HS3ST2: variants seen among roughly 807,000 people sequenced by gnomAD.
The protein encoded by HS3ST2 is heparan sulfate-glucosamine 3-sulfotransferase 2.
HS3ST2 carries 17 observed loss-of-function variants against 26.3 expected under a neutral mutation model. The observed-to-expected ratio is 0.65, with a 90% confidence interval of 0.44 to 0.97. HS3ST2 has a LOEUF of 0.97. Among genes scored for constraint, HS3ST2 ranks in the 50% least tolerant of loss-of-function variants. HS3ST2 has a pLI of 0.00. For synonymous variants in HS3ST2, 237 were observed against 219.2 expected, an observed-to-expected ratio of 1.08 and a Z score of -0.72; for missense variants, 402 against 501.2, an observed-to-expected ratio of 0.80 and a Z score of 1.89.
At chr16:22,876,308 G>GA (rs1050564545) in intron 1 of HS3ST2, among the ~76,000 whole-genome samples, 9 of 150,990 alleles carry the variant, frequency 6.0e-5, no homozygotes, top group East Asian at 3.9e-4. Flanking sequence ...GACAATTCTC[G>GA]AAAAAAAAGA....
rs139954183 is a variant in HS3ST2, at chr16:22,817,290, C to G, written c.485+2195C>G. Reference sequence around the variant, plus strand: ...ATCCTAGAGGTCTGGTCGTAATTGCCCTCTCCCCATTGCTTGACCAGGAAG... The same window carrying G: ...ATCCTAGAGGTCTGGTCGTAATTGCGCTCTCCCCATTGCTTGACCAGGAAG... On this transcript the variant is annotated intron_variant, in intron 1 of 1. Transcript: ENST00000261374. 3.1e-4 allele frequency among the ~76,000 whole-genome samples: 47 copies of G among 152,100 alleles called. No homozygotes were observed. The East Asian group carries it at 8.6e-3, about 28-fold the overall frequency.
At chr16:22,843,156 A>ATGTGTG (rs398038424) in intron 1 of HS3ST2, among the ~76,000 whole-genome samples, 6 of 150,126 alleles carry the variant, frequency 4.0e-5, no homozygotes, top group South Asian at 2.1e-4. Flanking sequence ...AGATGTATGT[A>ATGTGTG]TGTGTGTGTG....
rs140847412 is a variant in HS3ST2, at chr16:22,832,181, G to C, written c.485+17086G>C. ...TTTTTTTTTTTTTTAATTTTTAGTG[G>C]AGATAGGGTCTTTCTGTGTTGCCCA... On this transcript the variant is annotated intron_variant, in intron 1 of 1. Transcript: ENST00000261374. 1.5e-4 allele frequency among the ~76,000 whole-genome samples: 19 copies of C among 127,162 alleles called. No individual in the cohort carries two copies. In the East Asian group the frequency reaches 4.4e-3, roughly 30 times the overall value. 83.4% of individuals were successfully genotyped at this position (127,162 alleles called of 152,430 possible). A position where few individuals can be genotyped will look rare whatever the true frequency, so the allele number is the denominator to read the frequency against.
chr16:22,826,027 A>G (rs1026661051), intron 1 of HS3ST2, among the ~76,000 whole-genome samples: 10 of 150,250 alleles, frequency 6.7e-5, no homozygotes, highest in African/African-American at 2.5e-4. Flanking sequence ...CCATCTCAGG[A>G]AAAAAAAATG....
At chr16:22,847,909 A>G (rs887549535) in intron 1 of HS3ST2, among the ~76,000 whole-genome samples, 1 of 151,770 alleles carries the variant, frequency 6.6e-6, no homozygotes, top group African/African-American at 2.4e-5. Flanking sequence ...AGACAAAGCA[A>G]GAAGGAAGGA....
In HS3ST2 at chr16:22,914,763, A is replaced by AAAAAAAAAAAAAAAAAAG. The variant is rs1489223344; in HGVS notation, c.486-180_486-179insAAAAAAAAAAAAAAAAGA. ...AAAAAAAAAAAAAAAAAAAAAAAAA[A>AAAAAAAAAAAAAAAAAAG]AGAGAAGAAAAGAAAATCAACAAGA... On this transcript the variant is annotated intron_variant, in intron 1 of 1. Transcript: ENST00000261374. Among the ~76,000 whole-genome samples, 23 of 118,778 alleles carry AAAAAAAAAAAAAAAAAAG rather than the reference A, an allele frequency of 1.9e-4. 6 individuals are homozygous for AAAAAAAAAAAAAAAAAAG. The highest frequency in any genetic ancestry group is 7.9e-4 in the African/African-American group (21 of 26,702). The allele number at this position is 118,778 out of a possible 152,430, so 77.9% of individuals were successfully genotyped here.
chr16:22,834,946 T>G (rs1901231776), intron 1 of HS3ST2, among the ~76,000 whole-genome samples: 1 of 140,708 alleles, frequency 7.1e-6, no homozygotes, highest in Non-Finnish European at 1.5e-5. Flanking sequence ...TTTTCCCTGT[T>G]GGAGATATTT....
chr16:22,853,115 G>T (rs1901540365), intron 1 of HS3ST2, among the ~76,000 whole-genome samples: 1 of 152,064 alleles, frequency 6.6e-6, no homozygotes, highest in South Asian at 2.1e-4. Context: ...TTTTACATCT[G>T]CACACACCTG....
rs139609781 is a variant in HS3ST2 at position 22,915,535 on chromosome 16, C to T, written c.1077C>T (p.Thr359=). The T allele has an allele frequency of 1.8e-5, 29 of 1,613,274 alleles. No homozygotes were observed. The East Asian group carries it at 5.8e-4, about 32-fold the overall frequency. The part of the protein sequence containing the change: ...YRPYNIKFYE[T]VGQDFRWE ...CGTATAATATCAAATTTTATGAAAC[C>T]GTTGGGCAGGACTTCAGGTGGGAAT... Residue 359 remains threonine, a synonymous_variant, in exon 2 of 2, where the codon ACC becomes ACT. Transcript: ENST00000261374.
chr16:22,915,811 T>C lies in HS3ST2; in HGVS notation c.*249T>C. Reference sequence around the variant, plus strand: ...GCACGTCCAGTAAATTCCAGAATCATTCTCCTTTCTGCCCATAAAGGGCCT... The same window carrying C: ...GCACGTCCAGTAAATTCCAGAATCACTCTCCTTTCTGCCCATAAAGGGCCT... On this transcript the variant is annotated 3_prime_UTR_variant, in exon 2 of 2. Coordinates refer to ENST00000261374, the MANE Select transcript of HS3ST2 (RefSeq NM_006043.2). The C allele has an allele frequency of 1.9e-6, 1 of 517,038 alleles. No individual in the cohort carries two copies. The highest frequency in any genetic ancestry group is 2.8e-5 in the South Asian group (1 of 35,348). The allele number at this position is 517,038 out of a possible 1,614,324, so 32.0% of individuals were successfully genotyped here.
chr16:22,862,422 T>G (rs1901692070), intron 1 of HS3ST2, among the ~76,000 whole-genome samples: 1 of 152,202 alleles, frequency 6.6e-6, no homozygotes, highest in African/African-American at 2.4e-5. Flanking sequence ...GCACCTGTTA[T>G]ACTTGCAATC....
intron 1 of HS3ST2, among the ~76,000 whole-genome samples, chr16:22,895,117 T>C: frequency 6.6e-6 from 1 of 151,290 alleles, no homozygotes; most frequent in African/African-American, 2.4e-5. Context: ...TTTGAGACAG[T>C]TTCGCTCTGT....
chr16:22,817,461 A>G (rs1192047431), intron 1 of HS3ST2, among the ~76,000 whole-genome samples: 3 of 152,118 alleles, frequency 2.0e-5, no homozygotes, highest in African/African-American at 4.8e-5. Flanking sequence ...TGTTTCCATA[A>G]CCTCCAGAAC....
At chr16:22,895,070 C>CTTTTTTTT (rs55861016) in intron 1 of HS3ST2, among the ~76,000 whole-genome samples, 3 of 134,722 alleles carry the variant, frequency 2.2e-5, no homozygotes, top group Non-Finnish European at 3.2e-5. Context: ...TTCTTTCTTT[C>CTTTTTTTT]TTTTTTTTTT....
At chr16:22,835,494 G>A (rs932150276) in intron 1 of HS3ST2, among the ~76,000 whole-genome samples, 1 of 152,084 alleles carries the variant, frequency 6.6e-6, no homozygotes, top group Non-Finnish European at 1.5e-5. Flanking sequence ...CGTCTACATA[G>A]TTTAAACAGG....
intron 1 of HS3ST2, among the ~76,000 whole-genome samples, chr16:22,872,828 A>T (rs940721518): frequency 2.6e-5 from 4 of 152,138 alleles, no homozygotes; most frequent in Non-Finnish European, 4.4e-5. Flanking sequence ...TAGAGCCCTC[A>T]TGTTGGTTTA....
At chr16:22,849,031 CTG>C (rs1442239994) in intron 1 of HS3ST2, among the ~76,000 whole-genome samples, 2 of 152,208 alleles carry the variant, frequency 1.3e-5, no homozygotes, top group Non-Finnish European at 2.9e-5. Context: ...AACTGACTCA[CTG>C]TGCTTTGGGT....
At chr16:22,850,765 C>T (rs1901507558) in intron 1 of HS3ST2, among the ~76,000 whole-genome samples, 1 of 152,134 alleles carries the variant, frequency 6.6e-6, no homozygotes, top group Admixed American at 6.5e-5. Flanking sequence ...CCAGCCTGGG[C>T]TACAGAACGA....
chr16:22,834,829 T>A (rs1901229265), intron 1 of HS3ST2, among the ~76,000 whole-genome samples: 1 of 152,120 alleles, frequency 6.6e-6, no homozygotes, highest in Non-Finnish European at 1.5e-5. Flanking sequence ...TTATTTGCTC[T>A]TTGTCAATCT....
Sources: allele counts gnomAD v4.1 joint callset (sites outside exome capture counted in the v4.1 genomes callset), GRCh38; gene constraint gnomAD v4.1.1; transcripts MANE v1.5; gene names NCBI Gene and HGNC (gene_info 2026-07-23, HGNC 2026-07-21).